VPS13B: variants seen among roughly 807,000 people sequenced by gnomAD.
VPS13B encodes the protein vacuolar protein sorting 13 homolog B, also known as intermembrane lipid transfer protein VPS13B.
Under a neutral mutation model 426.4 loss-of-function variants are expected in VPS13B, and 285 were observed. The observed-to-expected ratio is 0.67, with a 90% CI of 0.61 to 0.74. The LOEUF (loss-of-function observed/expected upper bound fraction) is 0.74, where lower values mean the gene tolerates loss of function less well. Among genes scored for constraint, VPS13B ranks in the 30% least tolerant of loss-of-function variants. The pLI, the probability that VPS13B is intolerant of heterozygous loss-of-function variation, is 0.00. For missense variants in VPS13B, 4,537 were observed against 4,782.6 expected (o/e 0.95, Z 1.51); for synonymous variants, 1,676 against 1,676.4 (o/e 1.00, Z 0.01).
intron 23 of VPS13B, among the ~76,000 whole-genome samples, chr8:99,461,864 A>G (rs1264520697): frequency 6.6e-6 from 1 of 152,162 alleles, no homozygotes; most frequent in Non-Finnish European, 1.5e-5. Context: ...ACTAAATATC[A>G]GTTAATAGTT....
chr8:99,232,890 T>G (rs997239643), intron 17 of VPS13B, among the ~76,000 whole-genome samples: 1 of 152,144 alleles, frequency 6.6e-6, no homozygotes, highest in Admixed American at 6.5e-5. Context: ...CCTGGGATTC[T>G]CAGGGCCTCT....
intron 40 of VPS13B, among the ~76,000 whole-genome samples, chr8:99,776,091 A>G (rs1191973424): frequency 6.6e-6 from 1 of 152,176 alleles, no homozygotes; most frequent in Non-Finnish European, 1.5e-5. Context: ...CTATGGAAAT[A>G]TGGGTATGGA....
intron 14 of VPS13B, among the ~76,000 whole-genome samples, chr8:99,151,958 C>G (rs1272554523): frequency 1.3e-5 from 2 of 152,090 alleles, no homozygotes; most frequent in Non-Finnish European, 2.9e-5. Flanking sequence ...GCTAGAGAGG[C>G]TTACTGATTT....
intron 22 of VPS13B, 63 bp from the exon 23 acceptor site, chr8:99,442,338 G>A (rs1817716436): frequency 2.9e-6 from 4 of 1,392,816 alleles, no homozygotes; most frequent in South Asian, 2.4e-5. Flanking sequence ...TGGCGAAGAT[G>A]TTAGGTGTTT....
At chr8:99,061,299 T>TC (rs1364961232) in intron 3 of VPS13B, among the ~76,000 whole-genome samples, 51 of 149,342 alleles carry the variant, frequency 3.4e-4, no homozygotes, top group East Asian at 1.2e-3. Flanking sequence ...TAATTTTCTT[T>TC]TTTTTTTTTT....
chr8:99,051,468 C>T (rs532299283), intron 3 of VPS13B, among the ~76,000 whole-genome samples: 287 of 151,718 alleles, frequency 1.9e-3, no homozygotes, highest in Middle Eastern at 0.01. Context: ...TAGCATGATG[C>T]CTCCAGCTTT....
chr8:99,016,594 T>G (rs1346525660), intron 2 of VPS13B, among the ~76,000 whole-genome samples: 1 of 139,856 alleles, frequency 7.2e-6, no homozygotes, highest in Non-Finnish European at 1.6e-5. Flanking sequence ...TTCTTTTTTT[T>G]TTTTTTTTTT....
chr8:99,472,023 G>A (rs1291255382), intron 24 of VPS13B, among the ~76,000 whole-genome samples: 1 of 152,032 alleles, frequency 6.6e-6, no homozygotes, highest in East Asian at 1.9e-4. Context: ...CAAACAGTCA[G>A]CATAAAAAGG....
chr8:99,034,237 CTT>C (rs1474365571), intron 2 of VPS13B, among the ~76,000 whole-genome samples: 2 of 152,140 alleles, frequency 1.3e-5, no homozygotes, highest in Admixed American at 1.3e-4. Flanking sequence ...AACAAATTCT[CTT>C]TTCTATTTTT....
At chr8:99,103,166 A>G in intron 5 of VPS13B, 46 bp downstream of exon 5, 2 of 1,603,740 alleles carry the variant, frequency 1.2e-6, no homozygotes, top group Non-Finnish European at 1.7e-6. Flanking sequence ...TAATTGAAAC[A>G]ATTACCTTAA....
intron 39 of VPS13B, among the ~76,000 whole-genome samples, chr8:99,728,182 T>A (rs1833431556): frequency 6.6e-6 from 1 of 152,186 alleles, no homozygotes; most frequent in Admixed American, 6.5e-5. Context: ...CTAAGTCTAG[T>A]CAGTGCTAGA....
chr8:99,534,982 G>A (rs1015078549), intron 30 of VPS13B, among the ~76,000 whole-genome samples: 2 of 152,164 alleles, frequency 1.3e-5, no homozygotes, highest in African/African-American at 4.8e-5. Context: ...GTGAGAAGCA[G>A]TGTTGGCTTT....
At chr8:99,755,294 T>A (rs1470054367) in intron 39 of VPS13B, among the ~76,000 whole-genome samples, 1 of 152,154 alleles carries the variant, frequency 6.6e-6, no homozygotes, top group Non-Finnish European at 1.5e-5. Flanking sequence ...TCCAGACCTT[T>A]AGGGAAGTCT....
At chr8:99,479,715 T>C (rs1475143633) in intron 24 of VPS13B, among the ~76,000 whole-genome samples, 1 of 152,236 alleles carries the variant, frequency 6.6e-6, no homozygotes, top group Non-Finnish European at 1.5e-5. Context: ...TTAATTCACA[T>C]TGTTGCATGC....
intron 23 of VPS13B, among the ~76,000 whole-genome samples, chr8:99,456,984 A>G (rs1288362589): frequency 6.6e-6 from 1 of 151,784 alleles, no homozygotes; most frequent in African/African-American, 2.4e-5. Context: ...ATAGGTCTAT[A>G]CAGATTTTCT....
chr8:99,874,942 T>C (rs1817619362), intron 61 of VPS13B: 1 of 170,098 alleles, frequency 5.9e-6, no homozygotes, highest in Non-Finnish European at 1.3e-5. Context: ...CCAAAGCCAC[T>C]GGTTTGAAAG....
At chr8:99,493,812 A>C (rs1820749481) in intron 25 of VPS13B, among the ~76,000 whole-genome samples, 2 of 150,848 alleles carry the variant, frequency 1.3e-5, no homozygotes, top group Non-Finnish European at 3.0e-5. Context: ...GAAAAGAAAA[A>C]GAAAAAGAAA....
intron 33 of VPS13B, among the ~76,000 whole-genome samples, chr8:99,584,146 A>G (rs1348841775): frequency 6.6e-6 from 1 of 152,176 alleles, no homozygotes; most frequent in Non-Finnish European, 1.5e-5. Context: ...CTTAAAATCT[A>G]GGCCTGGAAA....
chr8:99,542,631 G>A (rs1823685483), intron 30 of VPS13B, among the ~76,000 whole-genome samples: 1 of 152,140 alleles, frequency 6.6e-6, no homozygotes, highest in African/African-American at 2.4e-5. Flanking sequence ...TAAGGAATTT[G>A]TGCTTTATTA....
Sources: allele counts gnomAD v4.1 joint callset (sites outside exome capture counted in the v4.1 genomes callset), GRCh38; gene constraint gnomAD v4.1.1; transcripts MANE v1.5; gene names NCBI Gene and HGNC (gene_info 2026-07-23, HGNC 2026-07-21).